The following TTLL11 variants were observed in gnomAD, a reference collection of about 807,000 sequenced individuals.
TTLL11 encodes tubulin tyrosine ligase like 11, also known as tubulin polyglutamylase TTLL11.
A neutral mutation model predicts 51.7 loss-of-function variants in TTLL11; 42 were observed. The ratio of observed to expected loss-of-function variants is 0.81; its 90% CI spans 0.64 to 1.05. The LOEUF (loss-of-function observed/expected upper bound fraction) is 1.05. Among genes scored for constraint, TTLL11 ranks in the 50% least tolerant of loss-of-function variants. The probability of loss-of-function intolerance (pLI) is 0.00; values close to 1 mark genes in which losing one functional copy is unlikely to be tolerated. For synonymous variants in TTLL11, 381 were observed against 383.5 expected (o/e 0.99, Z 0.08); for missense variants, 799 against 940.4 (o/e 0.85, Z 1.97).
chr9:122,028,045 G>A (rs1464543642), intron 3 of TTLL11, among the ~76,000 whole-genome samples: 2 of 152,176 alleles, frequency 1.3e-5, no homozygotes, highest in Non-Finnish European at 2.9e-5. Context: ...CTTGAAGTAT[G>A]TAATACTTAA....
At chr9:121,993,023 C>T (rs976388459) in intron 3 of TTLL11, among the ~76,000 whole-genome samples, 2 of 151,952 alleles carry the variant, frequency 1.3e-5, no homozygotes. Flanking sequence ...TAAACTAGAC[C>T]CAAAAAGACA....
intron 6 of TTLL11, among the ~76,000 whole-genome samples, chr9:121,899,761 C>T (rs377237135): frequency 5.9e-5 from 9 of 152,202 alleles, no homozygotes; most frequent in Middle Eastern, 3.4e-3. Flanking sequence ...ATCCCACCAC[C>T]ACTAGAACGT....
chr9:121,881,671 G>C (rs1441978349), intron 6 of TTLL11, among the ~76,000 whole-genome samples: 1 of 152,210 alleles, frequency 6.6e-6, no homozygotes, highest in Non-Finnish European at 1.5e-5. Context: ...CAATTTTTGA[G>C]TGCCATTCTG....
chr9:121,993,379 T>C (rs938796026), intron 3 of TTLL11, among the ~76,000 whole-genome samples: 2 of 152,230 alleles, frequency 1.3e-5, no homozygotes, highest in South Asian at 2.1e-4. Flanking sequence ...GATAGTACTA[T>C]AGTGAAAAAC....
chr9:121,941,302 C>T (rs1240525605), intron 6 of TTLL11, among the ~76,000 whole-genome samples: 1 of 152,214 alleles, frequency 6.6e-6, no homozygotes, highest in African/African-American at 2.4e-5. Context: ...CTGCTTTCCT[C>T]CTCTACCCTC....
At chr9:122,040,374 C>A (rs770152744) in intron 1 of TTLL11, 1 of 984,856 alleles carries the variant, frequency 1.0e-6, no homozygotes, top group African/African-American at 1.8e-5. Context: ...AATTTCTCAC[C>A]GAGACAAAAG....
intron 3 of TTLL11, among the ~76,000 whole-genome samples, chr9:122,022,808 A>G (rs1844218919): frequency 6.6e-6 from 1 of 152,036 alleles, no homozygotes; most frequent in South Asian, 2.1e-4. Flanking sequence ...ATAACAATGT[A>G]GTCTGGAGTT....
Position 121,885,738 on chromosome 9 carries a change from T to C in TTLL11, c.1482-14990A>G, listed in dbSNP as rs186823131. Among the ~76,000 whole-genome samples, 949 of 152,306 alleles carry C rather than the reference T, an allele frequency of 6.2e-3. 46 individuals are homozygous for C. The highest frequency in any genetic ancestry group is 0.056 in the Admixed American group (863 of 15,294). On this transcript the variant is annotated intron_variant, in intron 6 of 8. Transcript: ENST00000321582. ...CACAACTCTTTTTCTTTCTTTCTTT[T>C]CTTTCTTTGAGACAGGGTTTCACTC...
intron 6 of TTLL11, among the ~76,000 whole-genome samples, chr9:121,877,347 C>A (rs138147090): frequency 3.0e-4 from 45 of 152,322 alleles, no homozygotes; most frequent in African/African-American, 1.1e-3. Flanking sequence ...TAAATCTCTG[C>A]TATCGCAGAG....
chr9:121,917,612 G>A (rs1840385684), intron 6 of TTLL11, among the ~76,000 whole-genome samples: 1 of 144,794 alleles, frequency 6.9e-6, no homozygotes, highest in African/African-American at 2.6e-5. Flanking sequence ...AGGAAGGGAG[G>A]GAGGGAAGGG....
At chr9:121,999,780 T>C (rs1365200091) in intron 3 of TTLL11, among the ~76,000 whole-genome samples, 1 of 152,192 alleles carries the variant, frequency 6.6e-6, no homozygotes, top group African/African-American at 2.4e-5. Context: ...TTCAACCTCA[T>C]ACTATTATTA....
At chr9:122,031,126 AAC>A (rs1344590377) in intron 3 of TTLL11, among the ~76,000 whole-genome samples, 1 of 152,270 alleles carries the variant, frequency 6.6e-6, no homozygotes, top group East Asian at 1.9e-4. Flanking sequence ...TCCTAAATGA[AAC>A]TGTTAAAAGG....
rs753048519 is a variant in TTLL11, at chr9:121,989,737, T to A, written c.727A>T (p.Lys243Ter). ...TCAGGTTTCACGATAAAAGTGGGCT[T>A]CCAGGAGGGGTCATCGTCTTTCACC... ...QMVKDDDPSWKPTFIVKPDGG... is the reference protein window; with the variant it reads ...QMVKDDDPSW The change falls in exon 4 of 9, where the codon AAG (lysine) becomes TAG (stop). Residue 243 changes from lysine to a stop codon, truncating the protein, a stop_gained. Coordinates refer to ENST00000321582, the MANE Select transcript of TTLL11 (RefSeq NM_001139442.2). LOFTEE classifies it high-confidence loss of function. The surrounding 1 kb of genome is among the most constrained non-coding windows in gnomAD (Gnocchi z 4.2). 8.7e-6 allele frequency: 14 copies of A among 1,608,600 alleles called. No homozygotes were observed. Among genetic ancestry groups the A allele is most frequent in the Non-Finnish European group, 1.2e-5 (14 of 1,175,890 alleles).
At chr9:121,875,635 T>C (rs949270452) in intron 6 of TTLL11, among the ~76,000 whole-genome samples, 1 of 152,208 alleles carries the variant, frequency 6.6e-6, no homozygotes, top group Non-Finnish European at 1.5e-5. Context: ...TGAGAAATGG[T>C]ATCTTTGCTG....
At position 121,816,419 on chromosome 9, in the gene TTLL11, G is replaced by A. The variant is rs1413978268; in HGVS notation, c.*6168C>T. 6.6e-6 allele frequency: 1 copy of A among 152,226 alleles called. No individual in the cohort carries two copies. The allele number at this position is 152,226 out of a possible 1,614,324, so 9.4% of individuals were successfully genotyped here. On this transcript the variant is annotated 3_prime_UTR_variant, in exon 9 of 9. Coordinates refer to ENST00000321582, the MANE Select transcript of TTLL11 (RefSeq NM_001139442.2). ...TTGGTGAGCACAAGACACTACCGCA[G>A]GGCTGCAAAGAGCCCTCTCCACTCC...
chr9:122,022,676 G>A (rs1844215515), intron 3 of TTLL11, among the ~76,000 whole-genome samples: 1 of 151,656 alleles, frequency 6.6e-6, no homozygotes, highest in Admixed American at 6.6e-5. Context: ...TGACAGAAAT[G>A]TGAATCTACA....
intron 3 of TTLL11, among the ~76,000 whole-genome samples, chr9:122,021,728 G>T (rs1028334956): frequency 6.6e-6 from 1 of 152,102 alleles, no homozygotes; most frequent in African/African-American, 2.4e-5. Flanking sequence ...TCAAGAATAT[G>T]TGCAGGAATA....
chr9:121,993,955 A>G (rs1843181385), intron 3 of TTLL11, among the ~76,000 whole-genome samples: 1 of 152,214 alleles, frequency 6.6e-6, no homozygotes, highest in South Asian at 2.1e-4. Flanking sequence ...GGCAAAAACA[A>G]GCCTCTGGTA....
chr9:121,959,230 C>G (rs1198903177), intron 6 of TTLL11, among the ~76,000 whole-genome samples: 2 of 152,046 alleles, frequency 1.3e-5, no homozygotes, highest in African/African-American at 4.8e-5. Context: ...CTGGGTTCAC[C>G]CCACTTCACC....
Sources: allele counts gnomAD v4.1 joint callset (sites outside exome capture counted in the v4.1 genomes callset), GRCh38; gene constraint gnomAD v4.1.1; non-coding constraint Gnocchi (gnomAD v3.1); transcripts MANE v1.5; gene names NCBI Gene and HGNC (gene_info 2026-07-23, HGNC 2026-07-21).